Variants in CUL3 observed in about 807,000 individuals in gnomAD.
CUL3 encodes the protein cullin-3.
CUL3 carries 19 observed loss-of-function variants against 89.1 expected under a neutral mutation model. The observed-to-expected ratio is 0.21, with a 90% CI of 0.15 to 0.31. CUL3 has a LOEUF of 0.31. Ranked by LOEUF, CUL3 falls within the 10% of genes least tolerant of loss-of-function variation. The pLI is 1.00. For synonymous variants in CUL3, 351 were observed against 308.4 expected (o/e 1.14, Z -1.45); for missense variants, 469 against 942.3 (o/e 0.50, Z 6.58).
At chr2:224,569,744 CTAA>C in intron 1 of CUL3, 1 of 1,216,344 alleles carries the variant, frequency 8.2e-7, no homozygotes, top group Non-Finnish European at 1.1e-6. Context: ...CAAATTAAAA[CTAA>C]ATGAAAAGAA....
intron 3 of CUL3, among the ~76,000 whole-genome samples, chr2:224,532,796 C>T (rs1693743150): frequency 6.6e-6 from 1 of 151,956 alleles, no homozygotes; most frequent in Non-Finnish European, 1.5e-5. Context: ...AAAGGTAGAA[C>T]CCTAAAATAC....
chr2:224,506,133 C>A lies in CUL3; in HGVS notation c.1030-1G>T. On this transcript the variant is annotated splice_acceptor_variant, in intron 7 of 15. Transcript: ENST00000264414. LOFTEE classifies it high-confidence loss of function. ...ACCTACTCTTCAGATCCAATAAGCC[C>A]TTAGAAATAAAAACAAAATTTAGGA... The A allele has an allele frequency of 6.4e-7, 1 of 1,556,348 alleles. No homozygotes were observed. Among genetic ancestry groups the A allele is most frequent in the South Asian group, 1.3e-5 (1 of 79,678 alleles).
Position 224,535,596 on chromosome 2 carries a change from T to A in CUL3, c.310A>T (p.Thr104Ser), listed in dbSNP as rs886055696. Residue 104 changes from threonine (T) to serine (S), a missense_variant, in exon 3 of 16, where the codon ACG becomes TCG. Transcript: ENST00000264414. ...TGATCATTCCAAGCTTGATTTAGCG[T>A]TTGAAGAAAGTTGTTATTCAATGAA... is the stretch of plus-strand genomic sequence containing the variant. The part of the protein sequence containing the change: ...LNSLNNNFLQ[T>S]LNQAWNDHQT... The A allele has an allele frequency of 6.2e-7, 1 of 1,613,366 alleles. No individual in the cohort carries two copies. Among genetic ancestry groups the A allele is most frequent in the Non-Finnish European group, 8.5e-7 (1 of 1,179,640 alleles).
chr2:224,553,687 A>C (rs934565795), intron 2 of CUL3, among the ~76,000 whole-genome samples: 2 of 152,172 alleles, frequency 1.3e-5, no homozygotes, highest in Non-Finnish European at 2.9e-5. Context: ...TATAAGATAC[A>C]TGAGAGACAT....
At position 224,482,565 on chromosome 2, in the gene CUL3, G is replaced by A. The variant is rs1163386277; in HGVS notation, c.1843-487C>T. ...AATTTACCATCCAGACTGACCATAT[G>A]TATGCTTCTATGACCAAATGAAGAA... On this transcript the variant is annotated intron_variant, in intron 13 of 15. Coordinates refer to ENST00000264414, the MANE Select transcript of CUL3 (RefSeq NM_003590.5). 2.6e-5 allele frequency among the ~76,000 whole-genome samples: 4 copies of A among 151,178 alleles called. No homozygotes were observed. In the East Asian group the frequency reaches 7.7e-4, roughly 29 times the overall value.
chr2:224,478,100 T>C (rs1691388443), intron 15 of CUL3, 100 bp downstream of exon 15: 2 of 1,247,088 alleles, frequency 1.6e-6, no homozygotes, highest in African/African-American at 1.5e-5. Context: ...CACTAGGATT[T>C]CTTAATTGTA....
At chr2:224,535,961 G>T (rs1693883609) in intron 2 of CUL3, among the ~76,000 whole-genome samples, 1 of 152,124 alleles carries the variant, frequency 6.6e-6, no homozygotes, top group East Asian at 1.9e-4. Flanking sequence ...CTGTAAGACT[G>T]GCTTCATGCT....
At position 224,557,872 on chromosome 2, in the gene CUL3, G is replaced by GAAAA. The variant is rs1694763630; in HGVS notation, c.67-17_67-16insTTTT. The GAAAA allele has an allele frequency of 4.1e-6, 1 of 242,696 alleles. No homozygotes were observed. The highest frequency in any genetic ancestry group is 4.9e-5 in the South Asian group (1 of 20,438). 15.0% of individuals were successfully genotyped at this position (242,696 alleles called of 1,614,324 possible). ...CCATGGTCATCTGTAATATCCAAGAGAGAGAAGAGACAAAAAAAAAAAAAA... is the reference window on the plus strand; with the variant it reads ...CCATGGTCATCTGTAATATCCAAGAGAAAAAGAGAAGAGACAAAAAAAAAAAAAA... On this transcript the variant is annotated splice_polypyrimidine_tract_variant and intron_variant, in intron 1 of 15. Coordinates refer to ENST00000264414, the MANE Select transcript of CUL3 (RefSeq NM_003590.5).
intron 1 of CUL3, among the ~76,000 whole-genome samples, chr2:224,565,606 TTGAG>T (rs761796127): frequency 1.4e-4 from 21 of 152,378 alleles, no homozygotes; most frequent in Non-Finnish European, 2.5e-4. Flanking sequence ...CAAAGCATTC[TTGAG>T]TATCAGAAAC....
At chr2:224,553,757 G>A (rs934079275) in intron 2 of CUL3, among the ~76,000 whole-genome samples, 5 of 152,128 alleles carry the variant, frequency 3.3e-5, no homozygotes, top group African/African-American at 1.2e-4. Context: ...CTATAGACCA[G>A]GAAGGGGACT....
intron 11 of CUL3, chr2:224,499,373 A>G (rs1692288011): frequency 2.1e-5 from 5 of 236,788 alleles, no homozygotes; most frequent in South Asian, 1.6e-4. Context: ...AATTACTAGA[A>G]TCATTAAGAC....
chr2:224,565,528 A>G (rs548474983), intron 1 of CUL3, among the ~76,000 whole-genome samples: 1 of 152,332 alleles, frequency 6.6e-6, no homozygotes, highest in South Asian at 2.1e-4. Flanking sequence ...ATCTGTTCCC[A>G]AATCTTTTGC....
chr2:224,559,147 C>T (rs1694824799), intron 1 of CUL3, among the ~76,000 whole-genome samples: 1 of 152,042 alleles, frequency 6.6e-6, no homozygotes, highest in Non-Finnish European at 1.5e-5. Context: ...TCCATTCATA[C>T]TGAAAACTGT....
intron 2 of CUL3, among the ~76,000 whole-genome samples, chr2:224,548,191 T>C (rs1163259329): frequency 1.3e-5 from 2 of 152,244 alleles, no homozygotes; most frequent in Non-Finnish European, 2.9e-5. Context: ...GAACAGATTA[T>C]GACTACAAAG....
At chr2:224,563,395 G>C (rs950515065) in intron 1 of CUL3, 5 of 372,546 alleles carry the variant, frequency 1.3e-5, no homozygotes, top group African/African-American at 4.3e-5. Context: ...AAACTTAAGA[G>C]GGATTCCAGA....
rs1428146725 is a variant in CUL3 at position 224,495,713 on chromosome 2, C to G, written c.1842+119G>C. ...ATACAGTTCCATGATCCATTTTATA[C>G]AGTTTTCTCTAAAAGTACCCAAAGA... On this transcript the variant is annotated intron_variant, in intron 13 of 15. Coordinates refer to ENST00000264414, the MANE Select transcript of CUL3 (RefSeq NM_003590.5). 5 of 739,606 alleles carry G rather than the reference C, an allele frequency of 6.8e-6. No homozygotes were observed. The African/African-American group carries it at 7.1e-5, about 11-fold the overall frequency. 45.8% of individuals were successfully genotyped at this position (739,606 alleles called of 1,614,324 possible). A position where few individuals can be genotyped will look rare whatever the true frequency, so the allele number is the denominator to read the frequency against.
At chr2:224,540,449 A>T (rs1047531436) in intron 2 of CUL3, among the ~76,000 whole-genome samples, 1 of 152,082 alleles carries the variant, frequency 6.6e-6, no homozygotes, top group South Asian at 2.1e-4. Flanking sequence ...AAGGAGGAAG[A>T]AGAAAGAAAG....
At chr2:224,504,019 A>C in intron 8 of CUL3, 197 bp from the exon 9 acceptor site, 2 of 449,644 alleles carry the variant, frequency 4.4e-6, no homozygotes, top group Non-Finnish European at 7.9e-6. Context: ...CATTTAGTGC[A>C]TCATGAATGA....
At chr2:224,565,182 C>T (rs12465740) in intron 1 of CUL3, among the ~76,000 whole-genome samples, 1,993 of 152,288 alleles carry the variant, frequency 0.013, 18 homozygotes, top group Admixed American at 0.028. Context: ...AGTCTATTAA[C>T]ACCTGTTTTG....
Sources: gnomAD v4.1 joint callset for allele counts (sites outside exome capture counted in the v4.1 genomes callset) on GRCh38, gnomAD v4.1.1 for gene constraint, MANE v1.5 for transcripts, NCBI Gene and HGNC (gene_info 2026-07-23, HGNC 2026-07-21) for gene names.